Variants in LHFPL6 observed in about 807,000 individuals in gnomAD.
LHFPL6 encodes the protein LHFPL tetraspan subfamily member 6 protein.
LHFPL6 carries 9 observed loss-of-function variants against 20.6 expected under a neutral mutation model. The ratio of observed to expected loss-of-function variants is 0.44; its 90% CI spans 0.26 to 0.76. The LOEUF (loss-of-function observed/expected upper bound fraction) is 0.76. Ranked by LOEUF, LHFPL6 falls within the 30% of genes least tolerant of loss-of-function variation. LHFPL6 has a pLI of 0.20. For missense variants in LHFPL6, 218 were observed against 253.5 expected, an observed-to-expected ratio of 0.86 and a Z score of 0.95; for synonymous variants, 105 against 98.7, an observed-to-expected ratio of 1.06 and a Z score of -0.38.
chr13:39,483,218 T>G (rs909326352), intron 2 of LHFPL6, among the ~76,000 whole-genome samples: 1 of 141,862 alleles, frequency 7.0e-6, no homozygotes, highest in African/African-American at 2.8e-5. Flanking sequence ...TGAACTTACA[T>G]TAAAAAGAGG....
In LHFPL6 at chr13:39,381,279, G is replaced by GT. The variant is rs528298756; in HGVS notation, c.386-2754_386-2753insA. ...AACACCTAGTCTGGCCCAGTCTTAT[G>GT]CTAGTCACTTTGGGACACTAAATAG... On this transcript the variant is annotated intron_variant, in intron 2 of 3. Transcript: ENST00000379589. 7.5e-4 allele frequency among the ~76,000 whole-genome samples: 114 copies of GT among 152,266 alleles called. 1 individual carries two copies. The highest frequency in any genetic ancestry group is 1.2e-3 in the Non-Finnish European group (85 of 68,022).
At chr13:39,366,996 G>T (rs1460672039) in intron 3 of LHFPL6, among the ~76,000 whole-genome samples, 1 of 152,200 alleles carries the variant, frequency 6.6e-6, no homozygotes, top group Non-Finnish European at 1.5e-5. Flanking sequence ...GTTCAGAATA[G>T]AGTGTCTGTG....
intron 3 of LHFPL6, among the ~76,000 whole-genome samples, chr13:39,374,217 C>A (rs1273638519): frequency 6.6e-6 from 1 of 152,094 alleles, no homozygotes; most frequent in African/African-American, 2.4e-5. Flanking sequence ...AAATAATGTC[C>A]TTTGCAGCAA....
At chr13:39,591,724 T>A (rs1246322002) in intron 2 of LHFPL6, among the ~76,000 whole-genome samples, 1 of 152,186 alleles carries the variant, frequency 6.6e-6, no homozygotes, top group African/African-American at 2.4e-5. Context: ...CCCAGCAGTC[T>A]CTCTGGGGCT....
At chr13:39,523,623 A>G (rs1870190883) in intron 2 of LHFPL6, among the ~76,000 whole-genome samples, 1 of 151,976 alleles carries the variant, frequency 6.6e-6, no homozygotes, top group Admixed American at 6.5e-5. Flanking sequence ...AAGAAGAATG[A>G]TCCAACTGGA....
intron 2 of LHFPL6, among the ~76,000 whole-genome samples, chr13:39,447,644 A>C (rs1872326547): frequency 6.6e-6 from 1 of 152,196 alleles, no homozygotes; most frequent in Admixed American, 6.5e-5. Context: ...CATGGAGTAT[A>C]TTCTGCACCC....
intron 2 of LHFPL6, among the ~76,000 whole-genome samples, chr13:39,542,841 T>A (rs1224335673): frequency 2.0e-5 from 3 of 152,202 alleles, no homozygotes; most frequent in African/African-American, 7.2e-5. Flanking sequence ...CAAGTTTTTG[T>A]GTGTATGTGG....
intron 2 of LHFPL6, among the ~76,000 whole-genome samples, chr13:39,550,136 T>C (rs1225063792): frequency 2.6e-5 from 4 of 152,156 alleles, no homozygotes; most frequent in African/African-American, 9.7e-5. Flanking sequence ...GATACATAAA[T>C]TTTATCTCAA....
chr13:39,492,838 G>A (rs1030173767), intron 2 of LHFPL6, among the ~76,000 whole-genome samples: 11 of 151,888 alleles, frequency 7.2e-5, no homozygotes, highest in East Asian at 3.9e-4. Flanking sequence ...GCACCACCAC[G>A]TCCAGCTAAT....
At chr13:39,477,107 C>T (rs753518571) in intron 2 of LHFPL6, among the ~76,000 whole-genome samples, 1 of 152,176 alleles carries the variant, frequency 6.6e-6, no homozygotes, top group Non-Finnish European at 1.5e-5. Context: ...CTCCCTGTGC[C>T]ACAGATCCAA....
intron 3 of LHFPL6, among the ~76,000 whole-genome samples, chr13:39,377,458 G>T (rs1372467771): frequency 6.6e-6 from 1 of 152,018 alleles, no homozygotes; most frequent in Non-Finnish European, 1.5e-5. Flanking sequence ...TCTAGAAAAA[G>T]ATTCTAAGAA....
chr13:39,419,687 AT>A (rs1273371536), intron 2 of LHFPL6, among the ~76,000 whole-genome samples: 3 of 152,128 alleles, frequency 2.0e-5, no homozygotes, highest in Admixed American at 6.5e-5. Context: ...AGATGAAGAA[AT>A]TTTTTTAAAA....
intron 2 of LHFPL6, among the ~76,000 whole-genome samples, chr13:39,566,575 T>C (rs1871723531): frequency 6.6e-6 from 1 of 151,222 alleles, no homozygotes; most frequent in Non-Finnish European, 1.5e-5. Context: ...ACGCGGTCTC[T>C]ACAAAAAATT....
At chr13:39,469,546 C>G (rs1353105809) in intron 2 of LHFPL6, among the ~76,000 whole-genome samples, 1 of 152,160 alleles carries the variant, frequency 6.6e-6, no homozygotes, top group African/African-American at 2.4e-5. Flanking sequence ...GCCCTGTTTC[C>G]TTGCTCACCT....
intron 2 of LHFPL6, among the ~76,000 whole-genome samples, chr13:39,396,289 C>T (rs1441621271): frequency 1.3e-5 from 2 of 152,116 alleles, no homozygotes; most frequent in Admixed American, 6.6e-5. Context: ...CAAGGTTCAG[C>T]TCCTCCATAA....
intron 2 of LHFPL6, among the ~76,000 whole-genome samples, chr13:39,467,366 C>T (rs1872830743): frequency 6.6e-6 from 1 of 152,146 alleles, no homozygotes; most frequent in Admixed American, 6.5e-5. Context: ...ATTCATCTTT[C>T]ATAATTTTTG....
chr13:39,401,953 C>CT (rs1237881796), intron 2 of LHFPL6, among the ~76,000 whole-genome samples: 1 of 152,120 alleles, frequency 6.6e-6, no homozygotes, highest in African/African-American at 2.4e-5. Flanking sequence ...TTTCTTAGTA[C>CT]TTTTAGACAG....
At chr13:39,438,131 AG>A (rs1872015936) in intron 2 of LHFPL6, among the ~76,000 whole-genome samples, 1 of 152,188 alleles carries the variant, frequency 6.6e-6, no homozygotes, top group Non-Finnish European at 1.5e-5. Flanking sequence ...CAGGCTGAGG[AG>A]GTCTCAGATG....
chr13:39,505,702 G>A (rs1002984595), intron 2 of LHFPL6, among the ~76,000 whole-genome samples: 1 of 152,134 alleles, frequency 6.6e-6, no homozygotes, highest in African/African-American at 2.4e-5. Context: ...AAGGTTTGGG[G>A]GTGCTGTGGA....
Sources: allele counts gnomAD v4.1 joint callset (sites outside exome capture counted in the v4.1 genomes callset), GRCh38; gene constraint gnomAD v4.1.1; transcripts MANE v1.5; gene names NCBI Gene and HGNC (gene_info 2026-07-23, HGNC 2026-07-21).